Variants in STK39 observed in about 807,000 individuals in gnomAD.
STK39 encodes STE20/SPS1-related proline-alanine-rich protein kinase.
In STK39, 20 loss-of-function variants were observed where a neutral mutation model predicts 77.8. The observed-to-expected ratio is 0.26, with a 90% CI of 0.18 to 0.37. STK39 has a LOEUF of 0.37. Among genes scored for constraint, STK39 ranks in the 10% least tolerant of loss-of-function variants. STK39 has a pLI of 1.00. For synonymous variants in STK39, 246 were observed against 234.1 expected (o/e 1.05, Z -0.47); for missense variants, 479 against 656.5 (o/e 0.73, Z 2.95).
chr2:168,048,010 G>C (rs1439322165), intron 14 of STK39, among the ~76,000 whole-genome samples: 1 of 152,196 alleles, frequency 6.6e-6, no homozygotes, highest in Non-Finnish European at 1.5e-5. Flanking sequence ...ACGGCACAGA[G>C]TTTTATTTTC....
At chr2:167,984,355 G>A (rs144008365) in intron 16 of STK39, among the ~76,000 whole-genome samples, 163 of 152,318 alleles carry the variant, frequency 1.1e-3, no homozygotes, top group African/African-American at 3.8e-3. Context: ...GGATTCGAGA[G>A]GGAGGTGACA....
intron 16 of STK39, among the ~76,000 whole-genome samples, chr2:168,011,741 T>C (rs1398314663): frequency 6.6e-6 from 1 of 152,172 alleles, no homozygotes; most frequent in Non-Finnish European, 1.5e-5. Flanking sequence ...ATCTTATGAT[T>C]CTAAAGGAGG....
intron 1 of STK39, among the ~76,000 whole-genome samples, chr2:168,234,510 C>T (rs1690547427): frequency 6.6e-6 from 1 of 152,158 alleles, no homozygotes; most frequent in African/African-American, 2.4e-5. Context: ...CCACCTCTCT[C>T]CAACTAATGA....
chr2:168,075,338 G>C (rs1686052598), intron 10 of STK39, 107 bp from the exon 11 acceptor site: 2 of 1,448,438 alleles, frequency 1.4e-6, no homozygotes, highest in Admixed American at 3.8e-5. Flanking sequence ...AAAATAACCT[G>C]AGTGGCTGTG....
chr2:168,097,968 CAG>C (rs1210437364), intron 10 of STK39, among the ~76,000 whole-genome samples: 1 of 152,186 alleles, frequency 6.6e-6, no homozygotes, highest in South Asian at 2.1e-4. Flanking sequence ...GTCTGTAAAA[CAG>C]AGTCTAATAG....
intron 14 of STK39, among the ~76,000 whole-genome samples, chr2:168,035,687 CTG>C (rs989342919): frequency 1.2e-4 from 18 of 152,316 alleles, no homozygotes; most frequent in African/African-American, 4.3e-4. Flanking sequence ...ACCATACTGA[CTG>C]TGCTCAGTAA....
intron 1 of STK39, among the ~76,000 whole-genome samples, chr2:168,195,326 G>A (rs761977494): frequency 1.3e-5 from 2 of 152,156 alleles, no homozygotes; most frequent in Non-Finnish European, 2.9e-5. Context: ...CTTGAGCAGA[G>A]GAAGTTGAGG....
chr2:168,171,744 T>G (rs7607305), intron 2 of STK39, among the ~76,000 whole-genome samples: 50,985 of 151,754 alleles, frequency 0.34, 9,082 homozygotes, highest in East Asian at 0.46. Flanking sequence ...CTCCTTGGTC[T>G]CCCAAAGTGC....
chr2:168,101,471 C>T (rs1386750039), intron 10 of STK39, among the ~76,000 whole-genome samples: 1 of 152,188 alleles, frequency 6.6e-6, no homozygotes, highest in Non-Finnish European at 1.5e-5. Flanking sequence ...GGCGCTGTGG[C>T]TCACACCTGT....
chr2:168,094,181 A>G (rs955279816), intron 10 of STK39, among the ~76,000 whole-genome samples: 7 of 152,090 alleles, frequency 4.6e-5, no homozygotes, highest in African/African-American at 1.4e-4. Flanking sequence ...ATCTGTGGGG[A>G]CCACTACCCT....
At chr2:167,956,734 C>CCT in intron 17 of STK39, among the ~76,000 whole-genome samples, 1 of 52,604 alleles carries the variant, frequency 1.9e-5, no homozygotes, top group Non-Finnish European at 4.7e-5. Flanking sequence ...TCTCTCCCCC[C>CCT]CCGCCCCCTC....
At chr2:168,165,542 A>G (rs1688673920) in intron 3 of STK39, among the ~76,000 whole-genome samples, 1 of 152,142 alleles carries the variant, frequency 6.6e-6, no homozygotes, top group South Asian at 2.1e-4. Context: ...CCAGCACTCA[A>G]TACTGCAGTC....
intron 2 of STK39, among the ~76,000 whole-genome samples, chr2:168,180,956 G>A (rs890411555): frequency 1.3e-5 from 2 of 152,158 alleles, no homozygotes; most frequent in Admixed American, 1.3e-4. Context: ...CTTTATCCTT[G>A]TACTTAATTT....
At chr2:168,194,549 G>C (rs969166528) in intron 1 of STK39, among the ~76,000 whole-genome samples, 3 of 152,254 alleles carry the variant, frequency 2.0e-5, no homozygotes, top group Non-Finnish European at 4.4e-5. Flanking sequence ...ACAAATGAAA[G>C]ATGAAGACAA....
intron 7 of STK39, among the ~76,000 whole-genome samples, chr2:168,139,890 A>C (rs1485446656): frequency 6.6e-6 from 1 of 152,094 alleles, no homozygotes; most frequent in East Asian, 1.9e-4. Context: ...CCACTTAAAA[A>C]GAAAGAAAAA....
intron 1 of STK39, among the ~76,000 whole-genome samples, chr2:168,228,795 A>T (rs1553545424): frequency 3.9e-5 from 6 of 152,028 alleles, no homozygotes; most frequent in Non-Finnish European, 8.8e-5. Flanking sequence ...TCAAATAAAT[A>T]AATTAATTAA....
At chr2:168,110,434 C>T (rs1384047137) in intron 10 of STK39, among the ~76,000 whole-genome samples, 1 of 151,998 alleles carries the variant, frequency 6.6e-6, no homozygotes, top group African/African-American at 2.4e-5. Flanking sequence ...GATGCGGTCT[C>T]GCTATGTTGC....
chr2:168,180,262 G>A (rs1057479607), intron 2 of STK39, among the ~76,000 whole-genome samples: 11 of 152,166 alleles, frequency 7.2e-5, no homozygotes, highest in Admixed American at 4.6e-4. Context: ...CAGGAGAATC[G>A]CTTGAACCCA....
intron 14 of STK39, 147 bp downstream of exon 14, chr2:168,063,353 T>A: frequency 1.5e-6 from 1 of 659,376 alleles, no homozygotes; most frequent in Non-Finnish European, 2.5e-6. Flanking sequence ...CAATTAGCCC[T>A]GGGAATACAG....
Sources: gnomAD v4.1 joint callset for allele counts (sites outside exome capture counted in the v4.1 genomes callset) on GRCh38, gnomAD v4.1.1 for gene constraint, MANE v1.5 for transcripts, NCBI Gene and HGNC (gene_info 2026-07-23, HGNC 2026-07-21) for gene names.